The following NUAK1 variants were observed in gnomAD, a reference collection of about 807,000 sequenced individuals.
NUAK1 encodes the protein NUAK family SNF1-like kinase 1.
NUAK1 carries 26 observed loss-of-function variants against 56.9 expected under a neutral mutation model. That is an observed-to-expected ratio of 0.46 (90% CI 0.33 to 0.63). The LOEUF (loss-of-function observed/expected upper bound fraction) is 0.63. Among genes scored for constraint, NUAK1 ranks in the 30% least tolerant of loss-of-function variants. NUAK1 has a pLI of 0.02. For synonymous variants in NUAK1, 337 were observed against 336.0 expected, an observed-to-expected ratio of 1.00 and a Z score of -0.03; for missense variants, 727 against 876.1, an observed-to-expected ratio of 0.83 and a Z score of 2.15.
chr12:106,092,584 CA>C (rs1325051818), intron 2 of NUAK1, among the ~76,000 whole-genome samples: 1 of 152,128 alleles, frequency 6.6e-6, no homozygotes, highest in East Asian at 1.9e-4. Flanking sequence ...TCAATGTCGT[CA>C]AAGATTGTTC....
Position 106,083,925 on chromosome 12 carries a change from C to A in NUAK1, c.518G>T (p.Gly173Val). 1 of 1,613,822 alleles carries A rather than the reference C, an allele frequency of 6.2e-7. No homozygotes were observed. Among genetic ancestry groups the A allele is most frequent in the Non-Finnish European group, 8.5e-7 (1 of 1,179,780 alleles). Residue 173 changes from glycine (G) to valine (V), a missense_variant, in exon 4 of 7, where the codon GGT becomes GTT. Transcript: ENST00000261402. Reference protein sequence around the residue: ...VSAVHYCHKNGVVHRDLKLEN... With the variant: ...VSAVHYCHKNVVVHRDLKLEN... ...CAGCTTCAAGTCCCGGTGGACCACACCGTTCTGAAATGAGAAGACAAAGAG... is the reference window on the plus strand; with the variant it reads ...CAGCTTCAAGTCCCGGTGGACCACAACGTTCTGAAATGAGAAGACAAAGAG...
rs561197207 is a variant in NUAK1 at position 106,131,249 on chromosome 12, G to T, written c.240+7165C>A. ...CCCATTTAAAGTGCACAATTCAGGG[G>T]TTTTTAGTATATTCGGAGGGGTGCA... On this transcript the variant is annotated intron_variant, in intron 1 of 6. Transcript: ENST00000261402. Among the ~76,000 whole-genome samples, 136 of 152,178 alleles carry T rather than the reference G, an allele frequency of 8.9e-4. 4 individuals carry two copies. The South Asian group carries it at 0.028, about 31-fold the overall frequency.
At chr12:106,085,500 T>G (rs578261434) in intron 3 of NUAK1, among the ~76,000 whole-genome samples, 2 of 152,350 alleles carry the variant, frequency 1.3e-5, no homozygotes, top group African/African-American at 4.8e-5. Context: ...GACTCTGTTT[T>G]GGATGCCCTG....
At chr12:106,103,886 A>G (rs1235269100) in intron 2 of NUAK1, among the ~76,000 whole-genome samples, 1 of 152,080 alleles carries the variant, frequency 6.6e-6, no homozygotes, top group Non-Finnish European at 1.5e-5. Flanking sequence ...TGAAGAGGGA[A>G]TGTTTGCTTC....
intron 3 of NUAK1, among the ~76,000 whole-genome samples, chr12:106,085,426 C>T (rs1157313525): frequency 6.6e-6 from 1 of 152,200 alleles, no homozygotes; most frequent in African/African-American, 2.4e-5. Context: ...GAGCCACTCT[C>T]AATTAAACAT....
intron 2 of NUAK1, among the ~76,000 whole-genome samples, chr12:106,091,448 C>A (rs190833970): frequency 2.6e-5 from 4 of 152,082 alleles, no homozygotes; most frequent in African/African-American, 7.2e-5. Context: ...ACTGGGGATA[C>A]CGAAAGAAGA....
chr12:106,115,949 C>T (rs2032912859), intron 1 of NUAK1, among the ~76,000 whole-genome samples: 1 of 152,176 alleles, frequency 6.6e-6, no homozygotes, highest in Non-Finnish European at 1.5e-5. Flanking sequence ...ACATCCTGTC[C>T]TCGCCATTAA....
intron 1 of NUAK1, among the ~76,000 whole-genome samples, chr12:106,120,586 C>T (rs1273999618): frequency 6.6e-6 from 1 of 152,126 alleles, no homozygotes; most frequent in Non-Finnish European, 1.5e-5. Flanking sequence ...TCTCAGGTCA[C>T]CCCACTAACA....
chr12:106,070,712 A>C, intron 6 of NUAK1, 62 bp downstream of exon 6: 2 of 1,595,070 alleles, frequency 1.3e-6, no homozygotes, highest in Admixed American at 3.4e-5. Context: ...GCAGAAAATA[A>C]GAGTTGGGTA....
chr12:106,121,384 T>C (rs1393686196), intron 1 of NUAK1, among the ~76,000 whole-genome samples: 1 of 152,144 alleles, frequency 6.6e-6, no homozygotes, highest in Admixed American at 6.5e-5. Context: ...CTTTTCAAGG[T>C]TCTCCCACGT....
chr12:106,068,600 T>C (rs951153483), intron 6 of NUAK1, among the ~76,000 whole-genome samples: 5 of 152,262 alleles, frequency 3.3e-5, no homozygotes, highest in African/African-American at 1.2e-4. Context: ...CATCTTCTAC[T>C]GAGCTATCAG....
chr12:106,091,859 A>G (rs2032638667), intron 2 of NUAK1, among the ~76,000 whole-genome samples: 1 of 152,150 alleles, frequency 6.6e-6, no homozygotes, highest in African/African-American at 2.4e-5. Context: ...TATTCCTCAC[A>G]ATAATCTTAT....
chr12:106,092,043 AAAAT>A, intron 2 of NUAK1, among the ~76,000 whole-genome samples: 1 of 152,182 alleles, frequency 6.6e-6, no homozygotes, highest in Middle Eastern at 3.4e-3. Flanking sequence ...AACAAAAAAT[AAAAT>A]AAATAAATAA....
chr12:106,115,783 T>A (rs914651903), intron 1 of NUAK1, among the ~76,000 whole-genome samples: 4 of 152,268 alleles, frequency 2.6e-5, no homozygotes, highest in Admixed American at 2.6e-4. Flanking sequence ...ATCATGGGGA[T>A]GAGCCTCGCC....
chr12:106,093,582 G>T (rs1347903068), intron 2 of NUAK1, among the ~76,000 whole-genome samples: 1 of 152,206 alleles, frequency 6.6e-6, no homozygotes, highest in Non-Finnish European at 1.5e-5. Flanking sequence ...CAGTGCTCTG[G>T]TCTGAGGGAA....
At chr12:106,087,187 G>C (rs1032909365) in intron 2 of NUAK1, among the ~76,000 whole-genome samples, 3 of 152,148 alleles carry the variant, frequency 2.0e-5, no homozygotes, top group African/African-American at 4.8e-5. Flanking sequence ...CCCTCTCCCA[G>C]AACGGCTTTC....
At chr12:106,090,783 C>A (rs569896400) in intron 2 of NUAK1, among the ~76,000 whole-genome samples, 1 of 152,324 alleles carries the variant, frequency 6.6e-6, no homozygotes, top group African/African-American at 2.4e-5. Flanking sequence ...ACTTCATCAG[C>A]CACTTAGGCA....
At chr12:106,085,799 T>C (rs2032564419) in intron 3 of NUAK1, among the ~76,000 whole-genome samples, 1 of 152,170 alleles carries the variant, frequency 6.6e-6, no homozygotes, top group East Asian at 1.9e-4. Flanking sequence ...CCCAAACTGC[T>C]GTGCTCAAGG....
chr12:106,111,546 G>A (rs1487924697), intron 1 of NUAK1, among the ~76,000 whole-genome samples: 1 of 152,018 alleles, frequency 6.6e-6, no homozygotes, highest in Non-Finnish European at 1.5e-5. Flanking sequence ...TGGACTTCAA[G>A]GAGTATTCTT....
Sources: gnomAD v4.1 joint callset for allele counts (sites outside exome capture counted in the v4.1 genomes callset) on GRCh38, gnomAD v4.1.1 for gene constraint, MANE v1.5 for transcripts, NCBI Gene and HGNC (gene_info 2026-07-23, HGNC 2026-07-21) for gene names.